Variants in RARB observed in about 807,000 individuals in gnomAD.
The protein encoded by RARB is HBV-activated protein.
Under a neutral mutation model 51.9 loss-of-function variants are expected in RARB, and 17 were observed. That is an observed-to-expected ratio of 0.33 (90% CI 0.22 to 0.49). The LOEUF (loss-of-function observed/expected upper bound fraction) is 0.49. Ranked by LOEUF, RARB falls within the 20% of genes least tolerant of loss-of-function variation. The pLI is 0.99. For missense variants in RARB, 369 were observed against 550.8 expected (o/e 0.67, Z 3.30); for synonymous variants, 215 against 195.4 (o/e 1.10, Z -0.84).
At chr3:25,197,932 T>C (rs1222944934) in intron 5 of RARB, among the ~76,000 whole-genome samples, 1 of 151,790 alleles carries the variant, frequency 6.6e-6, no homozygotes, top group Non-Finnish European at 1.5e-5. Flanking sequence ...GAAAAAATAA[T>C]CCTAAAATGT....
chr3:25,016,024 G>A (rs1310745894), intron 2 of RARB, among the ~76,000 whole-genome samples: 3 of 152,132 alleles, frequency 2.0e-5, no homozygotes, highest in African/African-American at 7.2e-5. Flanking sequence ...GATTTCATAA[G>A]GTCTTCAGGT....
At position 25,450,895 on chromosome 3, in the gene RARB, G is replaced by A. The variant is rs573260269; in HGVS notation, c.158-10298G>A. On this transcript the variant is annotated intron_variant, in intron 1 of 7. Transcript: ENST00000330688. ...AGGTCAGGAGTTCGAGACGAGCCTG[G>A]CTAACATGGTGAAACCCGGTTTCCA... Among the ~76,000 whole-genome samples, 5 of 152,278 alleles carry A rather than the reference G, an allele frequency of 3.3e-5. No homozygotes were observed. In the South Asian group the frequency reaches 1.0e-3, roughly 32 times the overall value.
intron 3 of RARB, among the ~76,000 whole-genome samples, chr3:25,087,095 G>C (rs371995771): frequency 6.6e-6 from 1 of 152,056 alleles, no homozygotes; most frequent in East Asian, 1.9e-4. Context: ...TTCAGGGCCT[G>C]CTACCTCATT....
At chr3:25,106,009 C>A (rs1057170173) in intron 3 of RARB, among the ~76,000 whole-genome samples, 1 of 152,146 alleles carries the variant, frequency 6.6e-6, no homozygotes, top group Non-Finnish European at 1.5e-5. Flanking sequence ...ATCATTTAGA[C>A]TGCAGTAGCT....
intron 2 of RARB, among the ~76,000 whole-genome samples, chr3:25,031,644 C>A (rs1195881496): frequency 6.6e-6 from 1 of 152,170 alleles, no homozygotes; most frequent in Non-Finnish European, 1.5e-5. Flanking sequence ...TCTCATCCCC[C>A]CTCTCTATCT....
intron 2 of RARB, among the ~76,000 whole-genome samples, chr3:25,028,054 T>A (rs1259518541): frequency 6.6e-6 from 1 of 152,306 alleles, no homozygotes; most frequent in East Asian, 1.9e-4. Flanking sequence ...GTCAACACAT[T>A]GTTATCGGAG....
chr3:24,859,318 A>T (rs1010290977), intron 2 of RARB, among the ~76,000 whole-genome samples: 6 of 152,086 alleles, frequency 3.9e-5, no homozygotes, highest in African/African-American at 1.4e-4. Flanking sequence ...TGTGACTGAG[A>T]AAGTGGGAAT....
At chr3:25,102,576 C>T (rs1403756347) in intron 3 of RARB, among the ~76,000 whole-genome samples, 1 of 151,608 alleles carries the variant, frequency 6.6e-6, no homozygotes, top group Admixed American at 6.6e-5. Context: ...ATATAAAATA[C>T]ACATGTTCAA....
intron 3 of RARB, among the ~76,000 whole-genome samples, chr3:25,530,578 A>G (rs1470485801): frequency 6.6e-6 from 1 of 152,174 alleles, no homozygotes; most frequent in Non-Finnish European, 1.5e-5. Flanking sequence ...AAAGCCAGCC[A>G]TGGCCAGAGT....
intron 5 of RARB, among the ~76,000 whole-genome samples, chr3:25,592,457 G>A (rs1701648364): frequency 6.6e-6 from 1 of 152,208 alleles, no homozygotes; most frequent in African/African-American, 2.4e-5. Flanking sequence ...TTTATTGTCG[G>A]TGCAGAAATG....
chr3:25,044,234 T>G (rs1698169409), intron 2 of RARB, among the ~76,000 whole-genome samples: 1 of 152,208 alleles, frequency 6.6e-6, no homozygotes, highest in South Asian at 2.1e-4. Flanking sequence ...TAATGACAGC[T>G]GCAACATTTG....
intron 5 of RARB, among the ~76,000 whole-genome samples, chr3:25,257,267 C>T (rs559386711): frequency 4.6e-5 from 7 of 152,038 alleles, no homozygotes; most frequent in Non-Finnish European, 1.0e-4. Flanking sequence ...ATTCCGGGTA[C>T]CACATCTTAA....
At chr3:25,333,798 C>A (rs140815568) in intron 5 of RARB, among the ~76,000 whole-genome samples, 1 of 152,122 alleles carries the variant, frequency 6.6e-6, no homozygotes, top group East Asian at 1.9e-4. Flanking sequence ...GGCTAATGTC[C>A]AGAATCTACA....
At chr3:25,401,188 A>G (rs975443531) in intron 5 of RARB, among the ~76,000 whole-genome samples, 3 of 152,192 alleles carry the variant, frequency 2.0e-5, no homozygotes, top group African/African-American at 7.2e-5. Flanking sequence ...TCCCTAGAGG[A>G]CAACACCATA....
intron 5 of RARB, among the ~76,000 whole-genome samples, chr3:25,338,992 A>G (rs1324923756): frequency 6.6e-6 from 1 of 152,176 alleles, no homozygotes; most frequent in African/African-American, 2.4e-5. Flanking sequence ...TATAATAAAT[A>G]TTTGATTATC....
At chr3:24,967,225 T>C (rs1696295411) in intron 2 of RARB, among the ~76,000 whole-genome samples, 1 of 152,104 alleles carries the variant, frequency 6.6e-6, no homozygotes, top group Non-Finnish European at 1.5e-5. Flanking sequence ...TTGGTCACAG[T>C]TGGTATCACT....
chr3:25,157,596 C>G (rs1166150647), intron 4 of RARB, among the ~76,000 whole-genome samples: 23 of 151,984 alleles, frequency 1.5e-4, no homozygotes, highest in Admixed American at 1.5e-3. Flanking sequence ...GAGGTTTCAC[C>G]ATGTTGACCA....
intron 2 of RARB, among the ~76,000 whole-genome samples, chr3:25,008,735 C>A (rs906378340): frequency 6.6e-6 from 1 of 152,092 alleles, no homozygotes; most frequent in Admixed American, 6.6e-5. Flanking sequence ...TTCCCAGAAA[C>A]CTTCCCTATC....
rs944805262 is a variant in RARB at position 25,131,712 on chromosome 3, G to A, written c.-327-449G>A. Among the ~76,000 whole-genome samples, 7 of 152,034 alleles carry A rather than the reference G, an allele frequency of 4.6e-5. No individual in the cohort carries two copies. The South Asian group carries it at 8.3e-4, about 18-fold the overall frequency. ...GAGAGAGAGTGAAGCCATTTGCCAC[G>A]CTGTCCAGTGGGAGAAGAGACAAGG... On this transcript the variant is annotated intron_variant, in intron 3 of 11. Transcript: ENST00000383772.
Sources: gnomAD v4.1 joint callset for allele counts (sites outside exome capture counted in the v4.1 genomes callset) on GRCh38, gnomAD v4.1.1 for gene constraint, MANE v1.5 for transcripts, NCBI Gene and HGNC (gene_info 2026-07-23, HGNC 2026-07-21) for gene names.